The following STX8 variants were observed in gnomAD, a reference collection of about 807,000 sequenced individuals.
The protein encoded by STX8 is syntaxin 8, also known as syntaxin-8.
In STX8, 23 loss-of-function variants were observed where a neutral mutation model predicts 37.5. That is an observed-to-expected ratio of 0.61 (90% CI 0.44 to 0.87). The LOEUF (loss-of-function observed/expected upper bound fraction) is 0.87, where lower values mean the gene tolerates loss of function less well. STX8 is among the 40% of genes least tolerant of loss of function. The probability of loss-of-function intolerance (pLI) is 0.00; values close to 1 mark genes in which losing one functional copy is unlikely to be tolerated. For missense variants in STX8, 313 were observed against 284.7 expected (o/e 1.10, Z -0.71); for synonymous variants, 115 against 99.1 (o/e 1.16, Z -0.95).
intron 7 of STX8, among the ~76,000 whole-genome samples, chr17:9,370,764 CTA>C (rs1277050615): frequency 2.6e-5 from 4 of 152,126 alleles, no homozygotes; most frequent in Non-Finnish European, 4.4e-5. Flanking sequence ...AGACAAGGCT[CTA>C]TTTTGAATTC....
At chr17:9,363,785 C>T (rs963454270) in intron 7 of STX8, among the ~76,000 whole-genome samples, 6 of 152,132 alleles carry the variant, frequency 3.9e-5, no homozygotes, top group African/African-American at 1.4e-4. Context: ...TCATTTCTGA[C>T]CCCTTGATGA....
At chr17:9,309,413 T>C (rs975944687) in intron 7 of STX8, among the ~76,000 whole-genome samples, 1 of 152,108 alleles carries the variant, frequency 6.6e-6, no homozygotes, top group Non-Finnish European at 1.5e-5. Context: ...CAGCTACTTA[T>C]CATGCAAACA....
intron 4 of STX8, among the ~76,000 whole-genome samples, chr17:9,513,809 T>A (rs958857203): frequency 1.5e-4 from 23 of 152,306 alleles, no homozygotes; most frequent in African/African-American, 5.5e-4. Context: ...AAGTGTGGTA[T>A]ACATACACAA....
At chr17:9,334,699 T>C (rs117987997) in intron 7 of STX8, among the ~76,000 whole-genome samples, 23 of 152,238 alleles carry the variant, frequency 1.5e-4, no homozygotes, top group South Asian at 1.0e-3. Flanking sequence ...CATCTATCAA[T>C]GGAAGAATTT....
intron 7 of STX8, among the ~76,000 whole-genome samples, chr17:9,374,261 TAGTAG>T: frequency 6.6e-6 from 1 of 152,174 alleles, no homozygotes; most frequent in East Asian, 1.9e-4. Flanking sequence ...TTTGTATTTG[TAGTAG>T]AGATGGGGTT....
chr17:9,531,510 C>T lies in STX8; in HGVS notation c.323+13662G>A, dbSNP rs9897911. Among the ~76,000 whole-genome samples the T allele has an allele frequency of 3.5e-3, 526 of 151,952 alleles. 2 individuals are homozygous for T. Among genetic ancestry groups the T allele is most frequent in the African/African-American group, 0.012 (491 of 41,434 alleles). ...TCCAGAGTTTCAGTTACCCACACTC[C>T]GAAAATATTATAGACAATAAGATAT... On this transcript the variant is annotated intron_variant, in intron 4 of 7. Coordinates refer to ENST00000306357, the MANE Select transcript of STX8 (RefSeq NM_004853.3).
At chr17:9,368,134 C>T (rs1158805120) in intron 7 of STX8, among the ~76,000 whole-genome samples, 2 of 152,086 alleles carry the variant, frequency 1.3e-5, no homozygotes, top group African/African-American at 4.8e-5. Context: ...AAGTATTTTT[C>T]CCTAAAAATT....
intron 7 of STX8, among the ~76,000 whole-genome samples, chr17:9,345,322 G>C (rs1963716041): frequency 6.6e-6 from 1 of 152,002 alleles, no homozygotes; most frequent in African/African-American, 2.4e-5. Flanking sequence ...GCTAATTTTT[G>C]TATTTTTATT....
intron 6 of STX8, among the ~76,000 whole-genome samples, chr17:9,423,768 T>C (rs1247141449): frequency 6.6e-6 from 1 of 152,202 alleles, no homozygotes; most frequent in Non-Finnish European, 1.5e-5. Flanking sequence ...AGAAAAACAC[T>C]GTGCCACAGG....
chr17:9,478,158 C>T (rs773056924), intron 6 of STX8, among the ~76,000 whole-genome samples: 11 of 152,078 alleles, frequency 7.2e-5, no homozygotes, highest in Admixed American at 1.3e-4. Flanking sequence ...TTTGTTGAGA[C>T]GGAGTCTAGC....
chr17:9,314,323 G>A (rs2142195447), intron 7 of STX8, among the ~76,000 whole-genome samples: 1 of 152,208 alleles, frequency 6.6e-6, no homozygotes, highest in East Asian at 1.9e-4. Flanking sequence ...TCATAATTCT[G>A]GGTCTTGCTA....
chr17:9,439,560 A>T lies in STX8; in HGVS notation c.541+52269T>A, dbSNP rs377226442. 1.7e-4 allele frequency among the ~76,000 whole-genome samples: 24 copies of T among 141,746 alleles called. No individual in the cohort carries two copies. In the East Asian group the frequency reaches 4.3e-3, roughly 26 times the overall value. The allele number at this position is 141,746 out of a possible 152,430, so 93.0% of individuals were successfully genotyped here. On this transcript the variant is annotated intron_variant, in intron 6 of 7. Transcript: ENST00000306357. Reference sequence around the variant, plus strand: ...TTTTTTTTTTTTTTGCGGTGGTGTGATCTTGGCTCACTGCAACCTCTGCCT... The same window carrying T: ...TTTTTTTTTTTTTTGCGGTGGTGTGTTCTTGGCTCACTGCAACCTCTGCCT...
intron 5 of STX8, among the ~76,000 whole-genome samples, chr17:9,504,656 G>A (rs151247410): frequency 3.3e-5 from 5 of 152,056 alleles, no homozygotes; most frequent in African/African-American, 9.6e-5. Context: ...TTTCAATGGG[G>A]ATGAGGAACA....
intron 7 of STX8, among the ~76,000 whole-genome samples, chr17:9,333,527 A>G (rs999297131): frequency 3.9e-5 from 6 of 152,100 alleles, no homozygotes; most frequent in Non-Finnish European, 8.8e-5. Context: ...AGCTGGGACT[A>G]TAGGCGCCCG....
intron 4 of STX8, among the ~76,000 whole-genome samples, chr17:9,538,079 C>G (rs895706776): frequency 1.3e-5 from 2 of 152,144 alleles, no homozygotes; most frequent in Admixed American, 6.5e-5. Context: ...ACTTCCTTAC[C>G]TATTTTTCAT....
intron 7 of STX8, among the ~76,000 whole-genome samples, chr17:9,338,847 G>A (rs1017713997): frequency 1.3e-5 from 2 of 152,040 alleles, no homozygotes; most frequent in African/African-American, 2.4e-5. Context: ...TGAGGCGGGT[G>A]GATCACAAGG....
intron 5 of STX8, among the ~76,000 whole-genome samples, chr17:9,498,593 G>C (rs940803054): frequency 2.0e-5 from 3 of 152,076 alleles, no homozygotes; most frequent in Admixed American, 6.6e-5. Flanking sequence ...TGACTGCAAG[G>C]GTTCAAAGGT....
chr17:9,416,872 A>G (rs931224092), intron 6 of STX8, among the ~76,000 whole-genome samples: 5 of 152,172 alleles, frequency 3.3e-5, no homozygotes, highest in Admixed American at 3.3e-4. Flanking sequence ...AACTACCCCA[A>G]TTGTTCCTAT....
intron 6 of STX8, among the ~76,000 whole-genome samples, chr17:9,489,211 T>C (rs1460642305): frequency 6.6e-6 from 1 of 152,080 alleles, no homozygotes; most frequent in Non-Finnish European, 1.5e-5. Flanking sequence ...TGGTGGTAAT[T>C]TGTTACAACA....
Sources: allele counts gnomAD v4.1 joint callset (sites outside exome capture counted in the v4.1 genomes callset), GRCh38; gene constraint gnomAD v4.1.1; transcripts MANE v1.5; gene names NCBI Gene and HGNC (gene_info 2026-07-23, HGNC 2026-07-21).